The following CCSER1 variants were observed in gnomAD, a reference collection of about 807,000 sequenced individuals.
CCSER1 encodes serine-rich coiled-coil domain-containing protein 1.
Under a neutral mutation model 82.0 loss-of-function variants are expected in CCSER1, and 41 were observed. The ratio of observed to expected loss-of-function variants is 0.50; its 90% CI spans 0.39 to 0.65. The LOEUF (loss-of-function observed/expected upper bound fraction) is 0.65, where lower values mean the gene tolerates loss of function less well. CCSER1 is among the 30% of genes least tolerant of loss of function. The pLI, the probability that CCSER1 is intolerant of heterozygous loss-of-function variation, is 0.00. For missense variants in CCSER1, 1,119 were observed against 1,064.2 expected, an observed-to-expected ratio of 1.05 and a Z score of -0.72; for synonymous variants, 414 against 383.9, an observed-to-expected ratio of 1.08 and a Z score of -0.92.
At chr4:91,065,495 C>T (rs796680016) in intron 9 of CCSER1, among the ~76,000 whole-genome samples, 22 of 152,006 alleles carry the variant, frequency 1.4e-4, no homozygotes, top group African/African-American at 5.3e-4. Flanking sequence ...GGGATTTGTT[C>T]ACCTATTTTC....
At chr4:90,301,931 C>G (rs1183014506) in intron 1 of CCSER1, among the ~76,000 whole-genome samples, 3 of 152,074 alleles carry the variant, frequency 2.0e-5, no homozygotes, top group Non-Finnish European at 2.9e-5. Context: ...TTTCATTAAA[C>G]TTATTCAGCA....
At chr4:90,903,023 C>A (rs796395443) in intron 8 of CCSER1, among the ~76,000 whole-genome samples, 14 of 152,268 alleles carry the variant, frequency 9.2e-5, no homozygotes, top group African/African-American at 3.4e-4. Context: ...TGCAGCACAG[C>A]TGCAGCTGGC....
intron 10 of CCSER1, among the ~76,000 whole-genome samples, chr4:91,537,469 T>C (rs1216690511): frequency 6.6e-6 from 1 of 152,042 alleles, no homozygotes; most frequent in Non-Finnish European, 1.5e-5. Flanking sequence ...AAAAGTGCTT[T>C]GACAATTTTT....
intron 4 of CCSER1, among the ~76,000 whole-genome samples, chr4:90,426,137 G>T (rs889393498): frequency 1.3e-5 from 2 of 152,158 alleles, no homozygotes; most frequent in African/African-American, 2.4e-5. Flanking sequence ...TTCCTTGGCA[G>T]AGTAGGGAGT....
chr4:90,141,513 GAC>G (rs1347053765), intron 1 of CCSER1, among the ~76,000 whole-genome samples: 1 of 152,196 alleles, frequency 6.6e-6, no homozygotes, highest in Non-Finnish European at 1.5e-5. Context: ...GGTATACAAA[GAC>G]ACAGGTCATC....
intron 10 of CCSER1, among the ~76,000 whole-genome samples, chr4:91,453,945 A>G (rs1560684330): frequency 1.3e-5 from 2 of 152,050 alleles, no homozygotes; most frequent in Admixed American, 6.6e-5. Flanking sequence ...CTAGTATTGT[A>G]ATGAGGTATG....
intron 10 of CCSER1, among the ~76,000 whole-genome samples, chr4:91,517,511 G>T (rs1374855089): frequency 6.6e-6 from 1 of 152,054 alleles, no homozygotes; most frequent in Non-Finnish European, 1.5e-5. Context: ...TTGTCTATCA[G>T]CTCCTGTATT....
chr4:90,897,009 A>C (rs1296017192), intron 8 of CCSER1, among the ~76,000 whole-genome samples: 1 of 151,990 alleles, frequency 6.6e-6, no homozygotes, highest in African/African-American at 2.4e-5. Context: ...TTTCTATGAG[A>C]CATTGAATCT....
intron 10 of CCSER1, among the ~76,000 whole-genome samples, chr4:91,569,858 C>T (rs576456791): frequency 6.6e-6 from 1 of 152,206 alleles, no homozygotes; most frequent in East Asian, 1.9e-4. Context: ...CTAACAGTTC[C>T]CTGCAGTCTT....
chr4:90,810,094 G>T (rs770451353), intron 7 of CCSER1, among the ~76,000 whole-genome samples: 1 of 152,024 alleles, frequency 6.6e-6, no homozygotes, highest in Non-Finnish European at 1.5e-5. Flanking sequence ...TGCTTATTTG[G>T]TAATTGTATT....
intron 8 of CCSER1, among the ~76,000 whole-genome samples, chr4:90,832,765 C>A (rs1411246847): frequency 6.6e-6 from 1 of 152,032 alleles, no homozygotes; most frequent in Non-Finnish European, 1.5e-5. Flanking sequence ...CTTCTAGAAC[C>A]AAATGGTGTG....
At chr4:90,168,634 C>T (rs1362471140) in intron 1 of CCSER1, among the ~76,000 whole-genome samples, 9 of 151,976 alleles carry the variant, frequency 5.9e-5, no homozygotes, top group African/African-American at 9.7e-5. Context: ...CTTTAATCCA[C>T]CTTGACTTAA....
chr4:91,338,755 CAT>C (rs1747491623), intron 10 of CCSER1, among the ~76,000 whole-genome samples: 1 of 152,122 alleles, frequency 6.6e-6, no homozygotes, highest in African/African-American at 2.4e-5. Context: ...ATTTCAGTAT[CAT>C]GTGGGTTAAA....
intron 10 of CCSER1, among the ~76,000 whole-genome samples, chr4:91,587,710 C>A (rs985186346): frequency 7.9e-5 from 12 of 151,744 alleles, no homozygotes; most frequent in Admixed American, 5.9e-4. Flanking sequence ...GTTTTTCTTA[C>A]ATCGAATGCA....
At chr4:90,770,183 T>C (rs1181326560) in intron 7 of CCSER1, among the ~76,000 whole-genome samples, 1 of 152,122 alleles carries the variant, frequency 6.6e-6, no homozygotes, top group Non-Finnish European at 1.5e-5. Flanking sequence ...GAGAAGACCA[T>C]AGCCCTGGCC....
chr4:90,594,511 C>T (rs1783079790), intron 5 of CCSER1, among the ~76,000 whole-genome samples: 1 of 152,046 alleles, frequency 6.6e-6, no homozygotes, highest in African/African-American at 2.4e-5. Context: ...TACCTTTCTA[C>T]CACTATAGTA....
rs6818052 is a variant in CCSER1, at chr4:90,851,591, T to C, written c.2094+35746T>C. ...TATAGAGCTTTTTTTTTTTTTTTTTTCCTGATCCGACCTTTACCATCATGT... is the reference window on the plus strand; with the variant it reads ...TATAGAGCTTTTTTTTTTTTTTTTTCCCTGATCCGACCTTTACCATCATGT... On this transcript the variant is annotated intron_variant, in intron 8 of 10. Transcript: ENST00000509176. Among the ~76,000 whole-genome samples the C allele has an allele frequency of 8.1e-3, 1,174 of 145,280 alleles. 9 individuals are homozygous for C. Among genetic ancestry groups the C allele is most frequent in the African/African-American group, 0.024 (948 of 39,098 alleles).
intron 10 of CCSER1, among the ~76,000 whole-genome samples, chr4:91,237,972 ATT>A (rs893878519): frequency 6.6e-6 from 1 of 152,174 alleles, no homozygotes; most frequent in African/African-American, 2.4e-5. Flanking sequence ...TTGAATTTAT[ATT>A]ATGTGTCAGG....
intron 10 of CCSER1, among the ~76,000 whole-genome samples, chr4:91,091,491 C>T (rs932492891): frequency 6.6e-6 from 1 of 152,246 alleles, no homozygotes; most frequent in Admixed American, 6.5e-5. Flanking sequence ...AAGCAGTCCT[C>T]TGTGTGGGAA....
Sources: allele counts gnomAD v4.1 joint callset (sites outside exome capture counted in the v4.1 genomes callset), GRCh38; gene constraint gnomAD v4.1.1; transcripts MANE v1.5; gene names NCBI Gene and HGNC (gene_info 2026-07-23, HGNC 2026-07-21).